Variants in EML6 observed in about 807,000 individuals in gnomAD.
The protein encoded by EML6 is EMAP like 6.
A neutral mutation model predicts 240.1 loss-of-function variants in EML6; 154 were observed. The observed-to-expected ratio is 0.64, with a 90% CI of 0.56 to 0.73. The LOEUF is 0.73. EML6 is among the 30% of genes least tolerant of loss of function. The pLI is 0.00. For synonymous variants in EML6, 1,148 were observed against 899.0 expected (o/e 1.28, Z -4.95); for missense variants, 2,964 against 2,474.6 (o/e 1.20, Z -4.20).
At chr2:54,901,080 C>T (rs945611543) in intron 22 of EML6, among the ~76,000 whole-genome samples, 2 of 152,176 alleles carry the variant, frequency 1.3e-5, no homozygotes, top group Non-Finnish European at 2.9e-5. Context: ...GCTAATATGG[C>T]TGAGCCAACA....
chr2:54,891,758 C>A (rs1403173039), intron 18 of EML6, among the ~76,000 whole-genome samples: 1 of 152,146 alleles, frequency 6.6e-6, no homozygotes, highest in Non-Finnish European at 1.5e-5. Flanking sequence ...AGGTTCTGTT[C>A]CAGTGCATTT....
At chr2:54,791,997 C>T (rs1669481887) in intron 2 of EML6, among the ~76,000 whole-genome samples, 1 of 152,194 alleles carries the variant, frequency 6.6e-6, no homozygotes, top group Admixed American at 6.5e-5. Context: ...TTTATTACAG[C>T]AAGCTCTTTA....
intron 17 of EML6, among the ~76,000 whole-genome samples, chr2:54,889,143 T>G (rs78473484): frequency 0.022 from 3,309 of 152,320 alleles, 110 homozygotes; most frequent in African/African-American, 0.072. Context: ...TTTTCTGTTT[T>G]GCCATTTGTC....
chr2:54,843,571 G>A (rs188882064), intron 7 of EML6, among the ~76,000 whole-genome samples: 99 of 152,176 alleles, frequency 6.5e-4, no homozygotes, highest in Non-Finnish European at 1.2e-3. Flanking sequence ...TGGGCTGGGC[G>A]TGGTGGCTCA....
chr2:54,805,003 T>C (rs566460466), intron 2 of EML6, among the ~76,000 whole-genome samples: 17 of 152,332 alleles, frequency 1.1e-4, no homozygotes, highest in Non-Finnish European at 1.9e-4. Context: ...TTTTTATTTT[T>C]GGGATTGTCA....
At chr2:54,741,341 G>A (rs1397015370) in intron 2 of EML6, among the ~76,000 whole-genome samples, 1 of 152,096 alleles carries the variant, frequency 6.6e-6, no homozygotes, top group African/African-American at 2.4e-5. Flanking sequence ...CAGATTTAAT[G>A]AGCCCACTCC....
chr2:54,913,406 CCCAG>C (rs1311742117), intron 25 of EML6, among the ~76,000 whole-genome samples: 1 of 152,008 alleles, frequency 6.6e-6, no homozygotes, highest in Admixed American at 6.6e-5. Flanking sequence ...CACCACCATG[CCCAG>C]CTAATTCTTG....
intron 12 of EML6, among the ~76,000 whole-genome samples, chr2:54,862,613 T>C (rs775621628): frequency 6.6e-5 from 10 of 151,762 alleles, no homozygotes; most frequent in Non-Finnish European, 1.5e-4. Context: ...TTCAAGGAAA[T>C]AATGGCAGAA....
rs183111676 is a variant in EML6 at position 54,916,517 on chromosome 2, C to T, written c.3499-242C>T. 3.6e-3 allele frequency among the ~76,000 whole-genome samples: 555 copies of T among 152,296 alleles called. 2 individuals carry two copies. Among genetic ancestry groups the T allele is most frequent in the Non-Finnish European group, 6.1e-3 (417 of 68,028 alleles). On this transcript the variant is annotated intron_variant, in intron 25 of 41. Transcript: ENST00000356458. ...ATACCTTATTATTATCAAATTTCCA[C>T]AATTTCAAAATGTTCATTTTATCTA...
At chr2:54,910,269 C>G (rs2104282153) in intron 24 of EML6, among the ~76,000 whole-genome samples, 1 of 152,274 alleles carries the variant, frequency 6.6e-6, no homozygotes. Flanking sequence ...GAGTCATTTA[C>G]ATTTTAAGCC....
At chr2:54,791,604 T>G (rs556268518) in intron 2 of EML6, among the ~76,000 whole-genome samples, 2 of 152,184 alleles carry the variant, frequency 1.3e-5, no homozygotes, top group Non-Finnish European at 2.9e-5. Context: ...ATAAAATATT[T>G]ACCTTAAACA....
At chr2:54,928,791 A>G (rs747865953) in intron 28 of EML6, 40 bp downstream of exon 28, 1 of 1,550,816 alleles carries the variant, frequency 6.4e-7, no homozygotes, top group Non-Finnish European at 8.7e-7. Flanking sequence ...ATTATACCTG[A>G]TGACAAGAAA....
At chr2:54,837,335 G>C (rs1669205664) in intron 7 of EML6, among the ~76,000 whole-genome samples, 2 of 152,106 alleles carry the variant, frequency 1.3e-5, no homozygotes, top group African/African-American at 2.4e-5. Context: ...TGTGACTTGA[G>C]GCAAGTAATA....
At chr2:54,943,097 C>T (rs1008116639) in intron 28 of EML6, among the ~76,000 whole-genome samples, 5 of 152,190 alleles carry the variant, frequency 3.3e-5, no homozygotes, top group African/African-American at 1.2e-4. Context: ...TTCTCTGCTG[C>T]TTCTCAGCAG....
chr2:54,889,321 C>T (rs888828361), intron 17 of EML6, among the ~76,000 whole-genome samples: 1 of 151,832 alleles, frequency 6.6e-6, no homozygotes, highest in Non-Finnish European at 1.5e-5. Context: ...TTGTCTAACT[C>T]CAGATTAAAC....
intron 16 of EML6, among the ~76,000 whole-genome samples, chr2:54,873,826 C>G (rs563916858): frequency 2.8e-5 from 4 of 144,804 alleles, no homozygotes; most frequent in African/African-American, 1.0e-4. Flanking sequence ...AAAATTGACT[C>G]AATTCTAGCA....
intron 2 of EML6, among the ~76,000 whole-genome samples, chr2:54,760,822 ATTTTTTT>A (rs200476039): frequency 8.3e-5 from 10 of 120,426 alleles, no homozygotes; most frequent in Admixed American, 6.8e-4. Flanking sequence ...TTGAGGGAGC[ATTTTTTT>A]TTTTTTTTTT....
intron 2 of EML6, among the ~76,000 whole-genome samples, chr2:54,809,985 G>C (rs1476466248): frequency 2.6e-5 from 4 of 152,132 alleles, no homozygotes; most frequent in Admixed American, 1.3e-4. Context: ...GAATAAAGGT[G>C]GTTCTCTGTT....
chr2:54,855,746 T>C (rs1249815884), intron 11 of EML6, among the ~76,000 whole-genome samples: 1 of 152,150 alleles, frequency 6.6e-6, no homozygotes, highest in African/African-American at 2.4e-5. Context: ...TCATGACACA[T>C]GGCTTATAAA....
Sources: allele counts gnomAD v4.1 joint callset (sites outside exome capture counted in the v4.1 genomes callset), GRCh38; gene constraint gnomAD v4.1.1; transcripts MANE v1.5; gene names NCBI Gene and HGNC (gene_info 2026-07-23, HGNC 2026-07-21).